The following ARHGAP42 variants were observed in gnomAD, a reference collection of about 807,000 sequenced individuals.
ARHGAP42 encodes the protein rho GTPase-activating protein 42.
ARHGAP42 carries 63 observed loss-of-function variants against 125.0 expected under a neutral mutation model. That is an observed-to-expected ratio of 0.50 (90% CI 0.41 to 0.62). The LOEUF (loss-of-function observed/expected upper bound fraction) is 0.62. ARHGAP42 is among the 20% of genes least tolerant of loss of function. The pLI, the probability that ARHGAP42 is intolerant of heterozygous loss-of-function variation, is 0.00. For missense variants in ARHGAP42, 766 were observed against 1,024.2 expected (o/e 0.75, Z 3.44); for synonymous variants, 339 against 351.0 (o/e 0.97, Z 0.38).
At chr11:100,958,445 T>G (rs473765) in intron 12 of ARHGAP42, among the ~76,000 whole-genome samples, 81,529 of 151,746 alleles carry the variant, frequency 0.54, 22,909 homozygotes, top group East Asian at 0.74. Context: ...CACTTCCCAT[T>G]GATGGCAATA....
At chr11:100,930,491 C>T (rs943595613) in intron 6 of ARHGAP42, among the ~76,000 whole-genome samples, 25 of 152,182 alleles carry the variant, frequency 1.6e-4, no homozygotes, top group African/African-American at 5.8e-4. Flanking sequence ...ATGTGCCTTC[C>T]ATAGGATTGT....
intron 1 of ARHGAP42, among the ~76,000 whole-genome samples, chr11:100,689,360 G>A (rs1194176911): frequency 6.6e-6 from 1 of 152,186 alleles, no homozygotes; most frequent in East Asian, 1.9e-4. Context: ...TCTTCAAAAA[G>A]AGCTGCATCT....
intron 4 of ARHGAP42, among the ~76,000 whole-genome samples, chr11:100,899,990 T>G (rs1398679946): frequency 2.0e-5 from 3 of 152,198 alleles, no homozygotes; most frequent in South Asian, 2.1e-4. Flanking sequence ...TGATGTAGTT[T>G]CTTCATAGCA....
intron 1 of ARHGAP42, among the ~76,000 whole-genome samples, chr11:100,731,710 T>G (rs920278883): frequency 1.3e-5 from 2 of 152,178 alleles, no homozygotes; most frequent in Non-Finnish European, 2.9e-5. Flanking sequence ...CCTAAATATA[T>G]GACTGATAAG....
intron 1 of ARHGAP42, among the ~76,000 whole-genome samples, chr11:100,751,281 T>A (rs1386798634): frequency 1.7e-5 from 1 of 60,254 alleles, no homozygotes; most frequent in African/African-American, 6.1e-5. Flanking sequence ...GTGTGTGTGT[T>A]TTTTTTTTTT....
intron 4 of ARHGAP42, among the ~76,000 whole-genome samples, chr11:100,864,291 T>G (rs530519118): frequency 6.6e-6 from 1 of 152,062 alleles, no homozygotes; most frequent in Non-Finnish European, 1.5e-5. Context: ...TTCATGTGAT[T>G]CTCCTGCTTC....
chr11:100,815,798 T>C (rs565198813), intron 3 of ARHGAP42, among the ~76,000 whole-genome samples: 1 of 152,270 alleles, frequency 6.6e-6, no homozygotes, highest in African/African-American at 2.4e-5. Context: ...ACACAACAGT[T>C]CCCTATCTCC....
At chr11:100,891,079 G>A (rs990234738) in intron 4 of ARHGAP42, among the ~76,000 whole-genome samples, 2 of 152,194 alleles carry the variant, frequency 1.3e-5, no homozygotes, top group African/African-American at 4.8e-5. Context: ...GACCAACTGA[G>A]TAGATGGTTT....
At position 100,976,205 on chromosome 11, in the gene ARHGAP42, A is replaced by C; in HGVS notation, c.2004A>C (p.Pro668=). The C allele has an allele frequency of 6.4e-7, 1 of 1,551,278 alleles. No homozygotes were observed. The highest frequency in any genetic ancestry group is 8.7e-7 in the Non-Finnish European group (1 of 1,146,810). Residue 668 remains proline (P), a synonymous_variant, in exon 20 of 24, where the codon CCA becomes CCC. Transcript: ENST00000298815. ...KSGGIPWIAT[P]SSSNGQKSLG... ...GAGGGATTCCTTGGATTGCAACCCCATCATCTTCCAATGGACAGAAAAGCC... is the reference window on the plus strand; with the variant it reads ...GAGGGATTCCTTGGATTGCAACCCCCTCATCTTCCAATGGACAGAAAAGCC...
intron 3 of ARHGAP42, among the ~76,000 whole-genome samples, chr11:100,798,282 A>C (rs1243823874): frequency 6.6e-6 from 1 of 152,246 alleles, no homozygotes; most frequent in African/African-American, 2.4e-5. Context: ...AAGTTCTACC[A>C]TGGGTAAAAT....
chr11:100,785,739 C>T (rs999716586), intron 2 of ARHGAP42, among the ~76,000 whole-genome samples: 7 of 152,166 alleles, frequency 4.6e-5, no homozygotes, highest in Non-Finnish European at 1.0e-4. Flanking sequence ...GATTATTCCC[C>T]TTCAGTCAGG....
chr11:100,712,648 G>A (rs543835035), intron 1 of ARHGAP42, among the ~76,000 whole-genome samples: 6 of 152,112 alleles, frequency 3.9e-5, no homozygotes, highest in East Asian at 3.9e-4. Context: ...CAGAGTGCAC[G>A]TGGGTTTTCA....
intron 1 of ARHGAP42, among the ~76,000 whole-genome samples, chr11:100,707,389 T>G (rs1308257440): frequency 6.6e-6 from 1 of 152,190 alleles, no homozygotes; most frequent in Non-Finnish European, 1.5e-5. Flanking sequence ...AAGAGCCAAG[T>G]ATATATTTAA....
intron 4 of ARHGAP42, among the ~76,000 whole-genome samples, chr11:100,893,021 C>G (rs1399006891): frequency 6.6e-6 from 1 of 152,168 alleles, no homozygotes; most frequent in Admixed American, 6.6e-5. Context: ...TTATTTCCTT[C>G]ACCTTGGATT....
At chr11:100,837,685 T>TTTTTTTTTA (rs1864837350) in intron 3 of ARHGAP42, among the ~76,000 whole-genome samples, 2 of 131,424 alleles carry the variant, frequency 1.5e-5, no homozygotes, top group Non-Finnish European at 3.2e-5. Context: ...TTTTTTTTTT[T>TTTTTTTTTA]TTTTTTTTTT....
intron 1 of ARHGAP42, among the ~76,000 whole-genome samples, chr11:100,748,518 C>A (rs766141832): frequency 1.1e-4 from 17 of 152,182 alleles, no homozygotes; most frequent in African/African-American, 9.7e-5. Flanking sequence ...AACAGAATAG[C>A]CTTATACTTT....
intron 12 of ARHGAP42, among the ~76,000 whole-genome samples, chr11:100,953,506 A>C (rs531151753): frequency 1.3e-5 from 2 of 152,200 alleles, no homozygotes; most frequent in Non-Finnish European, 2.9e-5. Flanking sequence ...GAAATATCTA[A>C]TGTTCTAAAA....
intron 1 of ARHGAP42, among the ~76,000 whole-genome samples, chr11:100,720,808 G>C (rs919545782): frequency 2.0e-5 from 3 of 151,766 alleles, no homozygotes; most frequent in Non-Finnish European, 4.4e-5. Context: ...AAATTTAACT[G>C]TTTTTACCAT....
At chr11:100,758,860 A>G (rs955376338) in intron 1 of ARHGAP42, among the ~76,000 whole-genome samples, 3 of 152,224 alleles carry the variant, frequency 2.0e-5, no homozygotes, top group Non-Finnish European at 4.4e-5. Context: ...GAATTTAACT[A>G]GTAGTGAGTC....
Sources: allele counts gnomAD v4.1 joint callset (sites outside exome capture counted in the v4.1 genomes callset), GRCh38; gene constraint gnomAD v4.1.1; transcripts MANE v1.5; gene names NCBI Gene and HGNC (gene_info 2026-07-23, HGNC 2026-07-21).